Variants in DCC observed in about 807,000 individuals in gnomAD.
DCC encodes the protein DCC netrin 1 receptor.
Under a neutral mutation model 172.5 loss-of-function variants are expected in DCC, and 58 were observed. The observed-to-expected ratio is 0.34, with a 90% CI of 0.27 to 0.42. The LOEUF is 0.42. DCC is among the 10% of genes least tolerant of loss of function. DCC has a pLI of 1.00. For missense variants in DCC, 1,740 were observed against 1,791.0 expected, an observed-to-expected ratio of 0.97 and a Z score of 0.51; for synonymous variants, 709 against 644.5, an observed-to-expected ratio of 1.10 and a Z score of -1.52.
At chr18:53,424,594 G>A (rs1910802984) in intron 21 of DCC, among the ~76,000 whole-genome samples, 2 of 152,068 alleles carry the variant, frequency 1.3e-5, no homozygotes, top group African/African-American at 2.4e-5. Context: ...CCTAAGACTG[G>A]GCTTTAAATA....
rs185787631 is a variant in DCC at position 52,419,626 on chromosome 18, T to C, written c.91+78748T>C. On this transcript the variant is annotated intron_variant, in intron 1 of 28. Transcript: ENST00000442544. The stretch of plus-strand genomic sequence containing the variant: ...ATCTGAGATAAGAAGATCATTCCTT[T>C]TGCCAAATACCCCAGGGCATTTGTC... 2.0e-3 allele frequency: 301 copies of C among 152,138 alleles called. 2 individuals carry two copies. Among genetic ancestry groups the C allele is most frequent in the African/African-American group, 7.0e-3 (292 of 41,560 alleles). The allele number at this position is 152,138 out of a possible 1,614,324, so 9.4% of individuals were successfully genotyped here. A position where few individuals can be genotyped will look rare whatever the true frequency, so the allele number is the denominator to read the frequency against.
chr18:52,465,105 G>A (rs1057424273), intron 1 of DCC, among the ~76,000 whole-genome samples: 36 of 152,082 alleles, frequency 2.4e-4, no homozygotes, highest in Non-Finnish European at 5.1e-4. Flanking sequence ...AAATTAACTA[G>A]GGAAGTGATG....
chr18:52,530,121 G>A (rs1266203580), intron 1 of DCC, among the ~76,000 whole-genome samples: 3 of 152,202 alleles, frequency 2.0e-5, no homozygotes, highest in African/African-American at 7.2e-5. Flanking sequence ...TATAGTATGT[G>A]TTCAAGCACT....
chr18:52,648,665 G>A (rs1198652305), intron 1 of DCC, among the ~76,000 whole-genome samples: 2 of 152,130 alleles, frequency 1.3e-5, no homozygotes, highest in African/African-American at 4.8e-5. Flanking sequence ...TAGATTGTGT[G>A]CCCAATCCGA....
intron 1 of DCC, among the ~76,000 whole-genome samples, chr18:52,734,615 T>C (rs2036696810): frequency 1.3e-5 from 2 of 152,134 alleles, no homozygotes; most frequent in Non-Finnish European, 2.9e-5. Flanking sequence ...AAGTAAGGTT[T>C]GAGGCCTGCA....
intron 1 of DCC, among the ~76,000 whole-genome samples, chr18:52,622,280 A>C (rs1213867895): frequency 6.6e-6 from 1 of 152,236 alleles, no homozygotes; most frequent in East Asian, 1.9e-4. Context: ...ACAAATACTC[A>C]ACAGCTAAGA....
At chr18:53,389,000 T>C (rs1908368657) in intron 16 of DCC, among the ~76,000 whole-genome samples, 2 of 152,050 alleles carry the variant, frequency 1.3e-5, no homozygotes, top group South Asian at 4.1e-4. Flanking sequence ...CCCAGGCTGG[T>C]CTTGAACTCT....
In DCC at chr18:53,179,216, A is replaced by G. The variant is rs1257177138; in HGVS notation, c.1573+100A>G. 4 of 1,223,830 alleles carry G rather than the reference A, an allele frequency of 3.3e-6. No homozygotes were observed. In the Admixed American group the frequency reaches 6.0e-5, roughly 18 times the overall value. The allele number at this position is 1,223,830 out of a possible 1,614,324, so 75.8% of individuals were successfully genotyped here. A position where few individuals can be genotyped will look rare whatever the true frequency, so the allele number is the denominator to read the frequency against. ...GAACCTTTGCGAAGTGACAAAAGCG[A>G]AGAAGAGTTTTTTTTCTTCTAAGTA... On this transcript the variant is annotated intron_variant, in intron 9 of 28. Transcript: ENST00000442544.
intron 27 of DCC, among the ~76,000 whole-genome samples, chr18:53,504,706 GTTTTAGA>G (rs2046148357): frequency 6.6e-6 from 1 of 152,124 alleles, no homozygotes; most frequent in African/African-American, 2.4e-5. Context: ...TTCCTCTGAG[GTTTTAGA>G]AAATAAATAT....
chr18:52,355,880 G>A (rs568279746), intron 1 of DCC, among the ~76,000 whole-genome samples: 8 of 152,022 alleles, frequency 5.3e-5, no homozygotes, highest in Non-Finnish European at 1.0e-4. Context: ...TGGTAGGTAG[G>A]GTAATTTGGG....
chr18:52,548,136 CT>C (rs1479395211), intron 1 of DCC, among the ~76,000 whole-genome samples: 1 of 152,100 alleles, frequency 6.6e-6, no homozygotes, highest in Non-Finnish European at 1.5e-5. Flanking sequence ...TTAACATAGC[CT>C]TTTCTTTTCT....
At chr18:52,796,125 A>G (rs1000280339) in intron 2 of DCC, among the ~76,000 whole-genome samples, 37 of 147,450 alleles carry the variant, frequency 2.5e-4, no homozygotes, top group Non-Finnish European at 4.6e-4. Flanking sequence ...TTCACTTTAA[A>G]TCTATATCGG....
chr18:52,512,771 C>G (rs1020603222), intron 1 of DCC, among the ~76,000 whole-genome samples: 1 of 151,910 alleles, frequency 6.6e-6, no homozygotes, highest in Non-Finnish European at 1.5e-5. Context: ...AAAAAGAAAG[C>G]AATGTAAAGG....
At position 52,857,005 on chromosome 18, in the gene DCC, A is replaced by G. The variant is rs529137512; in HGVS notation, c.413-49039A>G. Among the ~76,000 whole-genome samples the G allele has an allele frequency of 1.6e-4, 25 of 152,350 alleles. No individual in the cohort carries two copies. In the South Asian group the frequency reaches 5.0e-3, roughly 30 times the overall value. On this transcript the variant is annotated intron_variant, in intron 2 of 28. Coordinates refer to ENST00000442544, the MANE Select transcript of DCC (RefSeq NM_005215.4). ...TTTAAGCTGATGGGTTAAATTCTAT[A>G]TGTATAAGCAGATCCACATTCTCTT...
intron 1 of DCC, among the ~76,000 whole-genome samples, chr18:52,644,728 G>A (rs946768725): frequency 6.9e-6 from 1 of 145,626 alleles, no homozygotes; most frequent in African/African-American, 2.5e-5. Context: ...GTGTGACAGA[G>A]TGAGATCCCA....
At chr18:52,963,408 C>T (rs2145573013) in intron 5 of DCC, among the ~76,000 whole-genome samples, 1 of 151,974 alleles carries the variant, frequency 6.6e-6, no homozygotes, top group Admixed American at 6.6e-5. Context: ...CACATATTTC[C>T]TTAATGATAA....
chr18:52,381,061 A>G (rs1985563729), intron 1 of DCC, among the ~76,000 whole-genome samples: 1 of 152,162 alleles, frequency 6.6e-6, no homozygotes, highest in African/African-American at 2.4e-5. Context: ...AATACAAGGT[A>G]TTAATTAGAC....
intron 12 of DCC, among the ~76,000 whole-genome samples, chr18:53,301,250 T>C (rs1252226986): frequency 2.0e-5 from 3 of 151,686 alleles, no homozygotes; most frequent in Non-Finnish European, 4.4e-5. Flanking sequence ...CTACCACGCC[T>C]GGCTAATTTT....
intron 1 of DCC, among the ~76,000 whole-genome samples, chr18:52,658,156 A>G (rs905288688): frequency 6.6e-6 from 1 of 152,216 alleles, no homozygotes; most frequent in South Asian, 2.1e-4. Flanking sequence ...GGGAAAGCTG[A>G]GTAATTTTTA....
Sources: gnomAD v4.1 joint callset for allele counts (sites outside exome capture counted in the v4.1 genomes callset) on GRCh38, gnomAD v4.1.1 for gene constraint, MANE v1.5 for transcripts, NCBI Gene and HGNC (gene_info 2026-07-23, HGNC 2026-07-21) for gene names.